ANKFN1: variants seen among roughly 807,000 people sequenced by gnomAD.
The protein encoded by ANKFN1 is ankyrin repeat and fibronectin type III domain containing 1.
A neutral mutation model predicts 108.7 loss-of-function variants in ANKFN1; 74 were observed. The ratio of observed to expected loss-of-function variants is 0.68; its 90% CI spans 0.56 to 0.83. ANKFN1 has a LOEUF of 0.83. Ranked by LOEUF, ANKFN1 falls within the 40% of genes least tolerant of loss-of-function variation. The pLI, the probability that ANKFN1 is intolerant of heterozygous loss-of-function variation, is 0.00. For synonymous variants in ANKFN1, 547 were observed against 516.2 expected, an observed-to-expected ratio of 1.06 and a Z score of -0.81; for missense variants, 1,505 against 1,382.3, an observed-to-expected ratio of 1.09 and a Z score of -1.41.
chr17:56,174,410 C>T, intron 1 of ANKFN1: 1 of 985,436 alleles, frequency 1.0e-6, no homozygotes, highest in Non-Finnish European at 1.2e-6. Context: ...AGGTTGGCTT[C>T]CAAATCTTCC....
chr17:56,117,686 T>G (rs1312493906), intron 4 of ANKFN1, among the ~76,000 whole-genome samples: 1 of 152,168 alleles, frequency 6.6e-6, no homozygotes, highest in African/African-American at 2.4e-5. Flanking sequence ...GAGGGCAATT[T>G]TCTCAGACTC....
Position 56,510,663 on chromosome 17 carries a change from G to C in ANKFN1, c.2835G>C (p.Val945=), listed in dbSNP as rs1273217711. 2 of 1,536,054 alleles carry C rather than the reference G, an allele frequency of 1.3e-6. No individual in the cohort carries two copies. The highest frequency in any genetic ancestry group is 1.7e-6 in the Non-Finnish European group (2 of 1,146,926). ...CCGACGTCCTGCAAGTGCACGACGT[G>C]AAAACCCCTCTGGGGCCGGGCCAGG... ...SAPDVLQVHD[V]KTPLGPGQDP... is the part of the protein sequence containing the mutation. Residue 945 remains valine, a synonymous_variant, in exon 21 of 21, where the codon GTG becomes GTC. Transcript: ENST00000682825.
chr17:56,122,670 G>T (rs1906694484), intron 4 of ANKFN1, among the ~76,000 whole-genome samples: 1 of 152,166 alleles, frequency 6.6e-6, no homozygotes, highest in Admixed American at 6.6e-5. Flanking sequence ...TAATGGAGGT[G>T]CTAATGAGGC....
intron 1 of ANKFN1, among the ~76,000 whole-genome samples, chr17:56,184,530 T>C (rs919442429): frequency 6.6e-6 from 1 of 152,196 alleles, no homozygotes; most frequent in Admixed American, 6.5e-5. Context: ...ATTTGCTTCA[T>C]TGGAACTCAA....
rs34394014 is a variant in ANKFN1 at position 56,141,923 on chromosome 17, C to CTTT, written c.289-85971_289-85969dup. ...CCCTCTTTTTCATAACGATGGTGTA[C>CTTT]TTTTTTTTTTTTTTTTTTTTTTTTT... On this transcript the variant is annotated intron_variant, in intron 4 of 12. Transcript: ENST00000635860. Among the ~76,000 whole-genome samples the CTTT allele has an allele frequency of 4.7e-3, 445 of 95,676 alleles. 2 individuals are homozygous for CTTT. Among genetic ancestry groups the CTTT allele is most frequent in the African/African-American group, 6.9e-3 (147 of 21,328 alleles). 62.8% of individuals were successfully genotyped at this position (95,676 alleles called of 152,430 possible). A position where few individuals can be genotyped will look rare whatever the true frequency, so the allele number is the denominator to read the frequency against.
chr17:56,449,102 G>A lies in ANKFN1; in HGVS notation c.1123G>A (p.Glu375Lys). ...AGACTGGAAAGACTATGACGACAGAGAGCCCAGACACAAGGGACAGAGTGA... is the reference window on the plus strand; with the variant it reads ...AGACTGGAAAGACTATGACGACAGAAAGCCCAGACACAAGGGACAGAGTGA... ...PSNWKDYDDR[E>K]PRHKGQSEVL... is the part of the protein sequence containing the mutation. Residue 375 changes from glutamate (E) to lysine (K), a missense_variant, in exon 11 of 21, where the codon GAG becomes AAG. Physicochemically the swap from Glu to Lys is moderately conservative, Grantham distance 56 (BLOSUM62 1). Transcript: ENST00000682825. 6.2e-7 allele frequency: 1 copy of A among 1,613,438 alleles called. No homozygotes were observed. Among genetic ancestry groups the A allele is most frequent in the South Asian group, 1.1e-5 (1 of 91,060 alleles).
At chr17:56,174,166 G>T (rs965695237) in intron 1 of ANKFN1, 2 of 984,762 alleles carry the variant, frequency 2.0e-6, no homozygotes, top group South Asian at 9.4e-5. Flanking sequence ...TTCTCTGGAG[G>T]CTGCATTCAT....
At chr17:56,197,361 C>T (rs1490602458) in intron 1 of ANKFN1, among the ~76,000 whole-genome samples, 2 of 152,140 alleles carry the variant, frequency 1.3e-5, no homozygotes, top group Non-Finnish European at 2.9e-5. Flanking sequence ...TTTGATTATG[C>T]TAGGCGTGGA....
chr17:56,504,684 T>G (rs1207698600), intron 20 of ANKFN1, among the ~76,000 whole-genome samples: 1 of 151,916 alleles, frequency 6.6e-6, no homozygotes, highest in Non-Finnish European at 1.5e-5. Flanking sequence ...GAGGCAGAGA[T>G]TTACTCTGTT....
intron 3 of ANKFN1, among the ~76,000 whole-genome samples, chr17:56,296,699 AAACAAC>A (rs572858230): frequency 3.3e-5 from 5 of 151,932 alleles, no homozygotes; most frequent in East Asian, 1.9e-4. Context: ...ACAAACAAAC[AAACAAC>A]AACAACAACA....
intron 8 of ANKFN1, among the ~76,000 whole-genome samples, chr17:56,399,974 C>T (rs1598531399): frequency 6.8e-6 from 1 of 147,992 alleles, no homozygotes; most frequent in East Asian, 2.0e-4. Context: ...TTTTTTTAAT[C>T]CACTTGTGGA....
At chr17:56,302,601 T>G (rs2044705420) in intron 3 of ANKFN1, among the ~76,000 whole-genome samples, 1 of 151,654 alleles carries the variant, frequency 6.6e-6, no homozygotes. Context: ...CAACAAAAGT[T>G]CTTGATATTA....
At chr17:56,244,377 T>G (rs1347067570) in intron 3 of ANKFN1, among the ~76,000 whole-genome samples, 1 of 152,130 alleles carries the variant, frequency 6.6e-6, no homozygotes, top group Non-Finnish European at 1.5e-5. Context: ...GCATTCCCTG[T>G]GTGCTGGTAC....
intron 4 of ANKFN1, among the ~76,000 whole-genome samples, chr17:56,332,696 T>C (rs1598417742): frequency 6.6e-6 from 1 of 152,288 alleles, no homozygotes; most frequent in East Asian, 1.9e-4. Context: ...CTAGCCTTAA[T>C]CTAATCCTGT....
intron 6 of ANKFN1, among the ~76,000 whole-genome samples, chr17:56,357,465 C>T (rs1026600842): frequency 6.6e-6 from 1 of 152,214 alleles, no homozygotes; most frequent in Non-Finnish European, 1.5e-5. Context: ...AAACTCACTG[C>T]CTTTCCACAT....
intron 4 of ANKFN1, among the ~76,000 whole-genome samples, chr17:56,118,263 A>G (rs1031162811): frequency 6.6e-6 from 1 of 152,130 alleles, no homozygotes; most frequent in Non-Finnish European, 1.5e-5. Context: ...GAATCTCTAG[A>G]TCAGATGGTA....
At chr17:56,060,745 G>T (rs1019364743) in intron 4 of ANKFN1, among the ~76,000 whole-genome samples, 1 of 152,168 alleles carries the variant, frequency 6.6e-6, no homozygotes, top group African/African-American at 2.4e-5. Context: ...ATTGATTTGT[G>T]TATGTTGAAC....
intron 1 of ANKFN1, among the ~76,000 whole-genome samples, chr17:56,179,785 C>T (rs192033133): frequency 2.6e-4 from 39 of 152,282 alleles, no homozygotes; most frequent in Middle Eastern, 3.4e-3. Context: ...ATTTGTAAGA[C>T]GCCCAGAACA....
At chr17:56,396,212 C>A (rs930339997) in intron 8 of ANKFN1, among the ~76,000 whole-genome samples, 1 of 152,168 alleles carries the variant, frequency 6.6e-6, no homozygotes, top group Non-Finnish European at 1.5e-5. Context: ...ACTTGGGAGG[C>A]CAAGGCGGGC....
Sources: gnomAD v4.1 joint callset for allele counts (sites outside exome capture counted in the v4.1 genomes callset) on GRCh38, gnomAD v4.1.1 for gene constraint, MANE v1.5 for transcripts, NCBI Gene and HGNC (gene_info 2026-07-23, HGNC 2026-07-21) for gene names.